AUTS2: variants seen among roughly 807,000 people sequenced by gnomAD.
The protein encoded by AUTS2 is autism susceptibility gene 2 protein.
A neutral mutation model predicts 112.4 loss-of-function variants in AUTS2; 17 were observed. The ratio of observed to expected loss-of-function variants is 0.15; its 90% CI spans 0.10 to 0.23. The LOEUF (loss-of-function observed/expected upper bound fraction) is 0.23. AUTS2 is among the 10% of genes least tolerant of loss of function. AUTS2 has a pLI of 1.00. For missense variants in AUTS2, 1,510 were observed against 1,701.6 expected (o/e 0.89, Z 1.98); for synonymous variants, 751 against 702.7 (o/e 1.07, Z -1.09).
At chr7:70,461,001 C>G (rs931314379) in intron 5 of AUTS2, among the ~76,000 whole-genome samples, 4 of 152,014 alleles carry the variant, frequency 2.6e-5, no homozygotes, top group African/African-American at 9.7e-5. Flanking sequence ...TAAGTGGTGA[C>G]AGATAAGTCT....
intron 4 of AUTS2, among the ~76,000 whole-genome samples, chr7:70,265,248 T>C (rs1787361361): frequency 6.6e-6 from 1 of 152,164 alleles, no homozygotes; most frequent in Admixed American, 6.5e-5. Context: ...ACATGATAGT[T>C]TTGTAGACAG....
At chr7:70,204,022 C>T (rs557098404) in intron 4 of AUTS2, among the ~76,000 whole-genome samples, 2 of 148,330 alleles carry the variant, frequency 1.3e-5, no homozygotes, top group South Asian at 2.1e-4. Context: ...TTTGTATATA[C>T]GTGTATGTCC....
In AUTS2 at chr7:70,090,567, T is replaced by C. The variant is rs1364682374; in HGVS notation, c.523-27565T>C. Among the ~76,000 whole-genome samples the C allele has an allele frequency of 2.0e-5, 3 of 151,960 alleles. No homozygotes were observed. The East Asian group carries it at 5.8e-4, about 29-fold the overall frequency. ...TTAGTAGAGATGGGATTTCACCATA[T>C]TGGCCAGGCTGCTAGCTGTGCTACA... On this transcript the variant is annotated intron_variant, in intron 2 of 18. Transcript: ENST00000342771.
chr7:70,640,946 A>C (rs181548937), intron 5 of AUTS2, among the ~76,000 whole-genome samples: 61 of 152,162 alleles, frequency 4.0e-4, no homozygotes, highest in Non-Finnish European at 6.3e-4. Flanking sequence ...CCCCCGTTCC[A>C]CATGGCAGCC....
intron 5 of AUTS2, among the ~76,000 whole-genome samples, chr7:70,636,590 A>G (rs1336297830): frequency 1.3e-5 from 2 of 152,122 alleles, no homozygotes; most frequent in African/African-American, 2.4e-5. Context: ...GGGAATAATC[A>G]TACATCATCT....
At chr7:70,095,048 TAAAG>T in intron 2 of AUTS2, among the ~76,000 whole-genome samples, 1 of 152,170 alleles carries the variant, frequency 6.6e-6, no homozygotes. Context: ...ATTCTGTTCT[TAAAG>T]AAAGGAAAAG....
chr7:69,914,553 G>T (rs1409307955), intron 2 of AUTS2, among the ~76,000 whole-genome samples: 1 of 151,830 alleles, frequency 6.6e-6, no homozygotes, highest in Non-Finnish European at 1.5e-5. Flanking sequence ...GTTCTCCCAT[G>T]GAATCTATCA....
At chr7:70,773,167 CT>C (rs112281925) in intron 11 of AUTS2, among the ~76,000 whole-genome samples, 2,316 of 152,306 alleles carry the variant, frequency 0.015, 47 homozygotes, top group African/African-American at 0.051. Flanking sequence ...TTCTTTCATT[CT>C]TTTCCCCCCC....
intron 1 of AUTS2, among the ~76,000 whole-genome samples, chr7:69,694,453 C>T (rs11982691): frequency 0.019 from 2,940 of 152,034 alleles, 94 homozygotes; most frequent in African/African-American, 0.064. Context: ...AAATAGAAAA[C>T]GTAATGACAT....
chr7:69,976,729 C>T (rs978412397), intron 2 of AUTS2, among the ~76,000 whole-genome samples: 10 of 152,194 alleles, frequency 6.6e-5, no homozygotes, highest in African/African-American at 2.4e-4. Context: ...TTGTTGGCTA[C>T]CTGTGTATTA....
chr7:69,745,033 G>C (rs1415032298), intron 1 of AUTS2, among the ~76,000 whole-genome samples: 1 of 152,100 alleles, frequency 6.6e-6, no homozygotes, highest in South Asian at 2.1e-4. Context: ...ACCCCCTGAG[G>C]CCTAGTTCTT....
At chr7:70,704,491 C>G (rs1246355353) in intron 6 of AUTS2, among the ~76,000 whole-genome samples, 2 of 152,230 alleles carry the variant, frequency 1.3e-5, no homozygotes, top group African/African-American at 4.8e-5. Context: ...AAAGAGTTTT[C>G]TCTATCCTTG....
intron 4 of AUTS2, among the ~76,000 whole-genome samples, chr7:70,242,592 T>C (rs920939199): frequency 5.9e-5 from 9 of 152,196 alleles, no homozygotes; most frequent in Admixed American, 1.3e-4. Flanking sequence ...GTGTGATAAC[T>C]CTTCTAGTAA....
At chr7:69,806,892 C>T (rs79976801) in intron 1 of AUTS2, among the ~76,000 whole-genome samples, 4,361 of 152,278 alleles carry the variant, frequency 0.029, 106 homozygotes, top group Middle Eastern at 0.068. Context: ...TTGTTGGACT[C>T]TTCATCAGAT....
intron 2 of AUTS2, among the ~76,000 whole-genome samples, chr7:70,080,985 G>A (rs1803275558): frequency 6.6e-6 from 1 of 152,142 alleles, no homozygotes. Flanking sequence ...GAGTGAAGAG[G>A]ATCTCTGGAC....
chr7:70,771,700 C>A, intron 11 of AUTS2, 56 bp downstream of exon 11: 2 of 1,502,236 alleles, frequency 1.3e-6, no homozygotes, highest in Non-Finnish European at 1.8e-6. Context: ...CGTCCCGGGC[C>A]AGGCGTGCAG....
In AUTS2 at chr7:70,698,669, T is replaced by G. The variant is rs1809273528; in HGVS notation, c.742+49T>G. 8 of 1,344,798 alleles carry G rather than the reference T, an allele frequency of 5.9e-6. No homozygotes were observed. The South Asian group carries it at 1.1e-4, about 18-fold the overall frequency. The allele number at this position is 1,344,798 out of a possible 1,614,324, so 83.3% of individuals were successfully genotyped here. A position where few individuals can be genotyped will look rare whatever the true frequency, so the allele number is the denominator to read the frequency against. On this transcript the variant is annotated intron_variant, in intron 6 of 18. Coordinates refer to ENST00000342771, the MANE Select transcript of AUTS2 (RefSeq NM_015570.4). ...GTAATGGCTTATTTTTATGTTAGTT[T>G]CATTGTCATTGCCTAGGAAGAAAGA...
chr7:70,073,180 G>A (rs1584677759), intron 2 of AUTS2, among the ~76,000 whole-genome samples: 1 of 150,694 alleles, frequency 6.6e-6, no homozygotes, highest in East Asian at 2.0e-4. Context: ...AAAGGTTCTA[G>A]CCAGATGAAC....
chr7:69,778,646 G>A (rs555727754), intron 1 of AUTS2, among the ~76,000 whole-genome samples: 1 of 152,184 alleles, frequency 6.6e-6, no homozygotes, highest in South Asian at 2.1e-4. Context: ...GATAAATAAA[G>A]AAAAAGGAAT....
Sources: allele counts gnomAD v4.1 joint callset (sites outside exome capture counted in the v4.1 genomes callset), GRCh38; gene constraint gnomAD v4.1.1; transcripts MANE v1.5; gene names NCBI Gene and HGNC (gene_info 2026-07-23, HGNC 2026-07-21).